The following RNLS variants were observed in gnomAD, a reference collection of about 807,000 sequenced individuals.
RNLS encodes renalase.
Under a neutral mutation model 39.8 loss-of-function variants are expected in RNLS, and 39 were observed. That is an observed-to-expected ratio of 0.98 (90% CI 0.76 to 1.28). The LOEUF is 1.28. Ranked by LOEUF, RNLS falls within the 50% of genes most tolerant of loss-of-function variation. The pLI is 0.00. For missense variants in RNLS, 410 were observed against 413.3 expected, an observed-to-expected ratio of 0.99 and a Z score of 0.07; for synonymous variants, 147 against 150.7, an observed-to-expected ratio of 0.98 and a Z score of 0.18.
At chr10:88,368,887 A>G (rs1850325203) in intron 4 of RNLS, among the ~76,000 whole-genome samples, 1 of 152,082 alleles carries the variant, frequency 6.6e-6, no homozygotes, top group Non-Finnish European at 1.5e-5. Flanking sequence ...TGGTATACAA[A>G]AGACCCATTT....
intron 4 of RNLS, among the ~76,000 whole-genome samples, chr10:88,527,624 T>C (rs1423958984): frequency 6.6e-6 from 1 of 152,178 alleles, no homozygotes; most frequent in Non-Finnish European, 1.5e-5. Flanking sequence ...TCGAAATCTT[T>C]CCTGATTTTC....
chr10:88,446,484 T>C (rs1366375358), intron 4 of RNLS, among the ~76,000 whole-genome samples: 2 of 151,890 alleles, frequency 1.3e-5, no homozygotes, highest in Admixed American at 6.6e-5. Flanking sequence ...CTGAAGGAGA[T>C]AGAGACACAA....
At chr10:88,262,004 G>A in the RNLS span, among the ~76,000 whole-genome samples, 1 of 152,114 alleles carries the variant, frequency 6.6e-6, no homozygotes, top group African/African-American at 2.4e-5. Flanking sequence ...GAGTTCATAG[G>A]GTGAAGAATA....
In RNLS at chr10:88,572,769, A is replaced by C. The variant is rs1269474491; in HGVS notation, c.526+134T>G. 20 of 856,196 alleles carry C rather than the reference A, an allele frequency of 2.3e-5. No homozygotes were observed. In the South Asian group the frequency reaches 4.0e-4, roughly 17 times the overall value. 53.0% of individuals were successfully genotyped at this position (856,196 alleles called of 1,614,324 possible). ...AGATTAATATCATGACGACGGCCGT[A>C]AGTATCAGTTTTTAAGACAGGCAAA... On this transcript the variant is annotated intron_variant, in intron 4 of 6. Coordinates refer to ENST00000331772, the MANE Select transcript of RNLS (RefSeq NM_001031709.3).
In RNLS at chr10:88,290,433, G is replaced by C. The variant is rs1442763802; in HGVS notation, c.877-4927C>G. ...AATGTGATCAGGGAGACTGGACAATGAATAATCAAGTTTTTCCTGCTACAT... is the reference window on the plus strand; with the variant it reads ...AATGTGATCAGGGAGACTGGACAATCAATAATCAAGTTTTTCCTGCTACAT... On this transcript the variant is annotated intron_variant, in intron 6 of 6. Coordinates refer to ENST00000331772, the MANE Select transcript of RNLS (RefSeq NM_001031709.3). Among the ~76,000 whole-genome samples the C allele has an allele frequency of 4.6e-5, 7 of 152,262 alleles. No individual in the cohort carries two copies. In the East Asian group the frequency reaches 1.3e-3, roughly 29 times the overall value.
intron 4 of RNLS, among the ~76,000 whole-genome samples, chr10:88,552,268 G>A (rs555768649): frequency 6.6e-6 from 1 of 152,208 alleles, no homozygotes; most frequent in East Asian, 1.9e-4. Context: ...CTGCCCTAAA[G>A]CCAACCTGTA....
At chr10:88,566,452 G>C (rs1010341258) in intron 4 of RNLS, among the ~76,000 whole-genome samples, 1 of 152,062 alleles carries the variant, frequency 6.6e-6, no homozygotes, top group African/African-American at 2.4e-5. Context: ...CATATGCAGA[G>C]AAAAGGAGAA....
At chr10:88,280,969 C>T (rs1021655399), downstream of RNLS, among the ~76,000 whole-genome samples, 4 of 152,164 alleles carry the variant, frequency 2.6e-5, no homozygotes, top group Non-Finnish European at 5.9e-5. Context: ...TTAGCAGGCT[C>T]TTTTGTGGGA....
At chr10:88,250,398 G>A in the RNLS span, among the ~76,000 whole-genome samples, 1 of 152,208 alleles carries the variant, frequency 6.6e-6, no homozygotes, top group Non-Finnish European at 1.5e-5. Context: ...CCCCTGATAT[G>A]AAGCAAAGGC....
chr10:88,542,765 T>G (rs1363434742), intron 4 of RNLS, among the ~76,000 whole-genome samples: 2 of 152,126 alleles, frequency 1.3e-5, no homozygotes, highest in Non-Finnish European at 2.9e-5. Flanking sequence ...AGAAGCATAT[T>G]TGATTACAAA....
the RNLS span, among the ~76,000 whole-genome samples, chr10:88,252,963 G>T: frequency 6.6e-6 from 1 of 152,216 alleles, no homozygotes; most frequent in Non-Finnish European, 1.5e-5. Context: ...ATAGTCATGG[G>T]AGCAGAAGGG....
chr10:88,264,484 TATTTTTTG>T, the RNLS span, among the ~76,000 whole-genome samples: 2 of 149,782 alleles, frequency 1.3e-5, no homozygotes, highest in African/African-American at 5.0e-5. Context: ...CAACATCTAT[TATTTTTTG>T]ATTTTTTGAT....
intron 6 of RNLS, among the ~76,000 whole-genome samples, chr10:88,300,121 T>C (rs971217607): frequency 6.6e-6 from 1 of 152,214 alleles, no homozygotes; most frequent in Non-Finnish European, 1.5e-5. Flanking sequence ...GCTTTGCCAC[T>C]TCCTAGCAGC....
At chr10:88,280,917 A>G (rs1397375735), downstream of RNLS, among the ~76,000 whole-genome samples, 1 of 152,140 alleles carries the variant, frequency 6.6e-6, no homozygotes, top group Non-Finnish European at 1.5e-5. Flanking sequence ...CCATAATTCA[A>G]CCAGCCTTTT....
chr10:88,451,011 C>T (rs1409453905), intron 4 of RNLS, among the ~76,000 whole-genome samples: 2 of 151,834 alleles, frequency 1.3e-5, no homozygotes, highest in African/African-American at 4.8e-5. Flanking sequence ...TGTCCAAAGG[C>T]CTAAACCTGG....
chr10:88,505,163 G>A (rs1380861295), intron 4 of RNLS, among the ~76,000 whole-genome samples: 1 of 151,788 alleles, frequency 6.6e-6, no homozygotes, highest in Non-Finnish European at 1.5e-5. Context: ...CAGATCTAGG[G>A]CAGAAAAAGA....
chr10:88,465,234 T>C (rs886560837), intron 4 of RNLS, among the ~76,000 whole-genome samples: 1 of 152,110 alleles, frequency 6.6e-6, no homozygotes, highest in Non-Finnish European at 1.5e-5. Flanking sequence ...CAGAATGTAT[T>C]CTAGAATGCC....
intron 4 of RNLS, among the ~76,000 whole-genome samples, chr10:88,531,374 T>C (rs1215593920): frequency 1.3e-5 from 2 of 152,056 alleles, no homozygotes; most frequent in Non-Finnish European, 2.9e-5. Context: ...AAGTTGTATG[T>C]ATTTTCATTT....
intron 4 of RNLS, among the ~76,000 whole-genome samples, chr10:88,416,196 T>A (rs997203094): frequency 6.7e-6 from 1 of 150,324 alleles, no homozygotes; most frequent in Admixed American, 6.6e-5. Flanking sequence ...TTTCTCTTTG[T>A]TCTATGAAAA....
Sources: gnomAD v4.1 joint callset for allele counts (sites outside exome capture counted in the v4.1 genomes callset) on GRCh38, gnomAD v4.1.1 for gene constraint, MANE v1.5 for transcripts, NCBI Gene and HGNC (gene_info 2026-07-23, HGNC 2026-07-21) for gene names.